Variants in AGBL4 observed in about 807,000 individuals in gnomAD.
AGBL4 encodes the protein AGBL carboxypeptidase 4.
A neutral mutation model predicts 66.4 loss-of-function variants in AGBL4; 58 were observed. The ratio of observed to expected loss-of-function variants is 0.87; its 90% CI spans 0.71 to 1.09. The LOEUF (loss-of-function observed/expected upper bound fraction) is 1.09. AGBL4 is among the 50% of genes least tolerant of loss of function. AGBL4 has a pLI of 0.00. For synonymous variants in AGBL4, 234 were observed against 222.9 expected, an observed-to-expected ratio of 1.05 and a Z score of -0.44; for missense variants, 579 against 631.0, an observed-to-expected ratio of 0.92 and a Z score of 0.88.
In AGBL4 at chr1:49,065,298, G is replaced by A. The variant is rs1024192552; in HGVS notation, c.378-19498C>T. On this transcript the variant is annotated intron_variant, in intron 4 of 13. Coordinates refer to ENST00000371839, the MANE Select transcript of AGBL4 (RefSeq NM_032785.4). ...GGATGATCACAGGAGACATAGGTGG[G>A]GTGATGACAGAAAGAATTAGGGTGA... 3.9e-5 allele frequency among the ~76,000 whole-genome samples: 6 copies of A among 152,286 alleles called. No homozygotes were observed. In the South Asian group the frequency reaches 1.0e-3, roughly 26 times the overall value.
intron 4 of AGBL4, among the ~76,000 whole-genome samples, chr1:49,114,810 A>G (rs1645482772): frequency 6.6e-6 from 1 of 152,160 alleles, no homozygotes. Flanking sequence ...CACATACAAC[A>G]TTTATCGATT....
chr1:50,002,359 C>CTTTTTTTTTT (rs372960346), intron 1 of AGBL4, among the ~76,000 whole-genome samples: 3 of 96,032 alleles, frequency 3.1e-5, no homozygotes, highest in African/African-American at 9.0e-5. Flanking sequence ...TGCCCTAGTT[C>CTTTTTTTTTT]TTTTTTTTTT....
intron 4 of AGBL4, among the ~76,000 whole-genome samples, chr1:49,094,593 A>AT (rs1201435350): frequency 6.6e-6 from 1 of 152,140 alleles, no homozygotes; most frequent in Non-Finnish European, 1.5e-5. Context: ...GTTTGCCAGT[A>AT]TTTTATTGAG....
intron 5 of AGBL4, 34 bp downstream of exon 5, chr1:49,045,550 C>T (rs780158016): frequency 6.3e-7 from 1 of 1,584,500 alleles, no homozygotes; most frequent in Admixed American, 1.7e-5. Context: ...TGCCTGTTTC[C>T]AAATGAGTAA....
chr1:48,527,984 G>T (rs1643888818), downstream of AGBL4, among the ~76,000 whole-genome samples: 1 of 152,162 alleles, frequency 6.6e-6, no homozygotes. Context: ...AGACAGGGAG[G>T]CCATTCCAGC....
intron 3 of AGBL4, among the ~76,000 whole-genome samples, chr1:49,386,724 T>C (rs1436428185): frequency 6.6e-6 from 1 of 152,026 alleles, no homozygotes; most frequent in African/African-American, 2.4e-5. Flanking sequence ...AGATGGAATG[T>C]CTGATTAAGA....
intron 9 of AGBL4, among the ~76,000 whole-genome samples, chr1:48,632,018 CT>C (rs1420366409): frequency 6.6e-6 from 1 of 151,958 alleles, no homozygotes; most frequent in African/African-American, 2.4e-5. Flanking sequence ...TAGGGTTTTT[CT>C]TTTTCACTAG....
At chr1:48,727,783 C>T in intron 6 of AGBL4, 1 of 1,161,020 alleles carries the variant, frequency 8.6e-7, no homozygotes, top group South Asian at 1.5e-5. Flanking sequence ...GATCCCTGCA[C>T]ACACACCACC....
chr1:49,032,888 C>T (rs534539000), intron 5 of AGBL4, among the ~76,000 whole-genome samples: 4 of 151,902 alleles, frequency 2.6e-5, no homozygotes, highest in East Asian at 1.9e-4. Context: ...GGAGTGATGG[C>T]GATGCATTCT....
intron 9 of AGBL4, among the ~76,000 whole-genome samples, chr1:48,629,368 C>A (rs1050867827): frequency 6.6e-6 from 1 of 152,042 alleles, no homozygotes; most frequent in Admixed American, 6.5e-5. Flanking sequence ...GGTAAGCTCT[C>A]GCCTGAAAGG....
chr1:49,756,337 G>T (rs1651883491), intron 2 of AGBL4, among the ~76,000 whole-genome samples: 1 of 152,030 alleles, frequency 6.6e-6, no homozygotes. Flanking sequence ...AAAAAGCCCT[G>T]AGCCTAGTGG....
chr1:49,940,744 T>G (rs1235026295), intron 1 of AGBL4, among the ~76,000 whole-genome samples: 3 of 152,004 alleles, frequency 2.0e-5, no homozygotes, highest in Admixed American at 6.6e-5. Flanking sequence ...GAGATATACC[T>G]AATGCTAAAT....
intron 4 of AGBL4, among the ~76,000 whole-genome samples, chr1:49,091,075 C>A (rs1430149570): frequency 1.3e-5 from 2 of 152,028 alleles, no homozygotes; most frequent in Admixed American, 1.3e-4. Context: ...ACACCATATA[C>A]AAAAATAAAC....
intron 4 of AGBL4, among the ~76,000 whole-genome samples, chr1:49,180,269 G>A (rs1256252625): frequency 6.6e-6 from 1 of 152,138 alleles, no homozygotes; most frequent in Non-Finnish European, 1.5e-5. Flanking sequence ...TCATATGATG[G>A]TAATGAAGAT....
intron 5 of AGBL4, among the ~76,000 whole-genome samples, chr1:48,904,159 A>G (rs1413612353): frequency 6.6e-6 from 1 of 150,940 alleles, no homozygotes; most frequent in Non-Finnish European, 1.5e-5. Context: ...GGCGCCTGTA[A>G]TCCCAGCTAC....
chr1:49,762,083 G>C (rs746509749), intron 2 of AGBL4, among the ~76,000 whole-genome samples: 7 of 152,086 alleles, frequency 4.6e-5, no homozygotes, highest in Non-Finnish European at 1.0e-4. Context: ...ATCTCCTTTG[G>C]ATATGAACCC....
At chr1:49,727,009 A>T (rs1649081263) in intron 2 of AGBL4, among the ~76,000 whole-genome samples, 1 of 152,176 alleles carries the variant, frequency 6.6e-6, no homozygotes, top group Non-Finnish European at 1.5e-5. Flanking sequence ...ACCATGAGTT[A>T]CCCAAGTTAT....
intron 3 of AGBL4, among the ~76,000 whole-genome samples, chr1:49,591,429 T>C (rs779226903): frequency 6.6e-6 from 1 of 151,950 alleles, no homozygotes; most frequent in Non-Finnish European, 1.5e-5. Flanking sequence ...TTAAATTGAC[T>C]GACTAAAAAA....
chr1:49,522,854 A>G (rs1477859621), intron 3 of AGBL4, among the ~76,000 whole-genome samples: 1 of 152,028 alleles, frequency 6.6e-6, no homozygotes, highest in East Asian at 1.9e-4. Context: ...CTTAGACAAT[A>G]CTTACCATTG....
Sources: gnomAD v4.1 joint callset for allele counts (sites outside exome capture counted in the v4.1 genomes callset) on GRCh38, gnomAD v4.1.1 for gene constraint, MANE v1.5 for transcripts, NCBI Gene and HGNC (gene_info 2026-07-23, HGNC 2026-07-21) for gene names.